The following SPAG6 variants were observed in gnomAD, a reference collection of about 807,000 sequenced individuals.
SPAG6 encodes the protein sperm-associated antigen 6.
A neutral mutation model predicts 58.5 loss-of-function variants in SPAG6; 49 were observed. That is an observed-to-expected ratio of 0.84 (90% CI 0.67 to 1.06). SPAG6 has a LOEUF of 1.06. Among genes scored for constraint, SPAG6 ranks in the 50% least tolerant of loss-of-function variants. The pLI is 0.00. For missense variants in SPAG6, 560 were observed against 611.3 expected (o/e 0.92, Z 0.89); for synonymous variants, 233 against 225.6 (o/e 1.03, Z -0.29).
chr10:22,366,743 T>C (rs1837213112), intron 3 of SPAG6, among the ~76,000 whole-genome samples: 1 of 152,214 alleles, frequency 6.6e-6, no homozygotes, highest in South Asian at 2.1e-4. Flanking sequence ...TTTCTTCCTC[T>C]TGGACTCTTA....
intron 9 of SPAG6, among the ~76,000 whole-genome samples, chr10:22,401,829 C>T (rs1834421664): frequency 6.6e-6 from 1 of 152,174 alleles, no homozygotes; most frequent in South Asian, 2.1e-4. Context: ...TATAAGTGGG[C>T]ACAGCCAGCA....
intron 2 of SPAG6, among the ~76,000 whole-genome samples, chr10:22,346,430 G>GTTCTTCTTCTTCTTCTTC (rs71393995): frequency 0.01 from 1,001 of 95,980 alleles, 26 homozygotes; most frequent in East Asian, 0.026. Context: ...AGAGAAAATG[G>GTTCTTCTTCTTCTTCTTC]TTCTTCTTCT....
chr10:22,383,814 A>G lies in SPAG6; in HGVS notation c.473-2940A>G, dbSNP rs542374532. Among the ~76,000 whole-genome samples, 13 of 152,286 alleles carry G rather than the reference A, an allele frequency of 8.5e-5. No homozygotes were observed. The South Asian group carries it at 1.2e-3, about 15-fold the overall frequency. On this transcript the variant is annotated intron_variant, in intron 4 of 10. Coordinates refer to ENST00000376624, the MANE Select transcript of SPAG6 (RefSeq NM_012443.4). ...GCCTGTTCATGTATTCACTCTGAGC[A>G]GGGTTTTCTAGAACAGAACAATGTT...
rs1427768896 is a variant in SPAG6, at chr10:22,417,185, AT to A, written c.*499del. On this transcript the variant is annotated 3_prime_UTR_variant, in exon 11 of 11. Coordinates refer to ENST00000376624, the MANE Select transcript of SPAG6 (RefSeq NM_012443.4). The stretch of plus-strand genomic sequence containing the variant: ...ACTCTGATGCTAGTTATATAAGTGC[AT>A]TAACTTAAGACACGGACTCTGTGGG... 6.6e-6 allele frequency: 1 copy of A among 152,300 alleles called. No individual in the cohort carries two copies. The highest frequency in any genetic ancestry group is 2.4e-5 in the African/African-American group (1 of 41,460). 9.4% of individuals were successfully genotyped at this position (152,300 alleles called of 1,614,324 possible). A position where few individuals can be genotyped will look rare whatever the true frequency, so the allele number is the denominator to read the frequency against.
At chr10:22,376,917 T>C (rs1296332438) in intron 4 of SPAG6, among the ~76,000 whole-genome samples, 1 of 151,686 alleles carries the variant, frequency 6.6e-6, no homozygotes, top group Non-Finnish European at 1.5e-5. Context: ...AGATCTCATC[T>C]CTTAAAAAAA....
intron 2 of SPAG6, among the ~76,000 whole-genome samples, chr10:22,357,422 G>A (rs1286519917): frequency 6.6e-6 from 1 of 152,064 alleles, no homozygotes; most frequent in Non-Finnish European, 1.5e-5. Flanking sequence ...TCATTCAAGA[G>A]TAATTCAAAA....
chr10:22,394,405 A>C (rs1834246409), intron 8 of SPAG6, among the ~76,000 whole-genome samples: 1 of 152,152 alleles, frequency 6.6e-6, no homozygotes, highest in Non-Finnish European at 1.5e-5. Context: ...ATAATTATTT[A>C]ATTATTGTGT....
rs577238094 is a variant in SPAG6, at chr10:22,347,090, C to T, written c.121+1272C>T. ...AGAATTTTATTCCGTGCGTATCCAC[C>T]ACCAGCACAGTCAAGATACAGAACA... On this transcript the variant is annotated intron_variant, in intron 2 of 10. Coordinates refer to ENST00000376624, the MANE Select transcript of SPAG6 (RefSeq NM_012443.4). 8.5e-5 allele frequency among the ~76,000 whole-genome samples: 13 copies of T among 152,166 alleles called. No homozygotes were observed. The East Asian group carries it at 2.3e-3, about 27-fold the overall frequency.
intron 4 of SPAG6, among the ~76,000 whole-genome samples, chr10:22,382,200 C>T (rs372419640): frequency 4.6e-5 from 7 of 152,156 alleles, no homozygotes; most frequent in African/African-American, 1.2e-4. Context: ...GCTTCCCCCT[C>T]GCTTGTCACA....
chr10:22,381,119 T>G (rs1833944405), intron 4 of SPAG6, among the ~76,000 whole-genome samples: 1 of 152,148 alleles, frequency 6.6e-6, no homozygotes, highest in African/African-American at 2.4e-5. Context: ...GTAACCACAA[T>G]AGTGGTTCTT....
At chr10:22,398,660 T>A (rs966529707) in intron 8 of SPAG6, among the ~76,000 whole-genome samples, 1 of 152,098 alleles carries the variant, frequency 6.6e-6, no homozygotes, top group Non-Finnish European at 1.5e-5. Flanking sequence ...GCCCAAGAAT[T>A]TGAGGCTGCA....
rs1252216485 is a variant in SPAG6, at chr10:22,391,975, T to C, written c.1197+55T>C. ...TTTGGCTCATTTAAAAAATATGTCA[T>C]TTCAAATCTCTTTGTTTTCATCATG... is the stretch of plus-strand genomic sequence containing the variant. On this transcript the variant is annotated intron_variant, in intron 8 of 10. Transcript: ENST00000376624. 2.6e-6 allele frequency: 3 copies of C among 1,160,146 alleles called. No individual in the cohort carries two copies. The Admixed American group carries it at 6.3e-5, about 24-fold the overall frequency. 71.9% of individuals were successfully genotyped at this position (1,160,146 alleles called of 1,614,324 possible).
chr10:22,347,291 G>A (rs1407281765), intron 2 of SPAG6, among the ~76,000 whole-genome samples: 1 of 152,102 alleles, frequency 6.6e-6, no homozygotes, highest in African/African-American at 2.4e-5. Context: ...TGTATTCTGT[G>A]TGTGTGTATG....
In SPAG6 at chr10:22,368,644, C is replaced by G. The variant is rs1465945445; in HGVS notation, c.438C>G (p.Ala146=). 6.2e-7 allele frequency: 1 copy of G among 1,613,574 alleles called. No homozygotes were observed. Among genetic ancestry groups the G allele is most frequent in the Admixed American group, 1.7e-5 (1 of 59,982 alleles). The change falls in exon 4 of 11, where the codon GCC becomes GCG. Residue 146 remains alanine, a synonymous_variant. Coordinates refer to ENST00000376624, the MANE Select transcript of SPAG6 (RefSeq NM_012443.4). ...DFDPGVKEAA[A]WALRYIARHN... Reference sequence around the variant, plus strand: ...ACCCTGGAGTCAAGGAGGCTGCAGCCTGGGCACTTAGATATATTGCAAGAC... The same window carrying G: ...ACCCTGGAGTCAAGGAGGCTGCAGCGTGGGCACTTAGATATATTGCAAGAC...
intron 8 of SPAG6, among the ~76,000 whole-genome samples, chr10:22,392,987 T>G (rs1452248274): frequency 1.3e-5 from 2 of 152,122 alleles, no homozygotes; most frequent in African/African-American, 4.8e-5. Context: ...GATTTAGAAC[T>G]TCCCTCATAT....
chr10:22,358,078 A>G (rs1298353724), intron 2 of SPAG6, among the ~76,000 whole-genome samples: 1 of 152,010 alleles, frequency 6.6e-6, no homozygotes, highest in East Asian at 1.9e-4. Context: ...AGCATGATTT[A>G]TAGTCCTTTG....
intron 2 of SPAG6, among the ~76,000 whole-genome samples, chr10:22,351,478 T>A (rs1256124300): frequency 6.6e-6 from 1 of 152,222 alleles, no homozygotes; most frequent in Admixed American, 6.5e-5. Context: ...CCCTGGGCTG[T>A]CAGCTGCCTG....
At chr10:22,385,105 G>T (rs935384448) in intron 4 of SPAG6, among the ~76,000 whole-genome samples, 1 of 152,086 alleles carries the variant, frequency 6.6e-6, no homozygotes, top group African/African-American at 2.4e-5. Flanking sequence ...AATTTGGATA[G>T]AGTCGAATTC....
At position 22,370,336 on chromosome 10, in the gene SPAG6, C is replaced by T. The variant is rs1833654803; in HGVS notation, c.472+1658C>T. 2.6e-5 allele frequency among the ~76,000 whole-genome samples: 4 copies of T among 152,168 alleles called. No homozygotes were observed. In the South Asian group the frequency reaches 8.3e-4, roughly 32 times the overall value. On this transcript the variant is annotated intron_variant, in intron 4 of 10. Transcript: ENST00000376624. ...GGCTCTGTGCTGTGTGCTTCAGACA[C>T]ATTATCTCATTTTGATTGCAGCTAC...
Sources: gnomAD v4.1 joint callset for allele counts (sites outside exome capture counted in the v4.1 genomes callset) on GRCh38, gnomAD v4.1.1 for gene constraint, MANE v1.5 for transcripts, NCBI Gene and HGNC (gene_info 2026-07-23, HGNC 2026-07-21) for gene names.